C16orf74: variants seen among roughly 807,000 people sequenced by gnomAD.
C16orf74 encodes uncharacterized protein C16orf74.
In C16orf74, 10 loss-of-function variants were observed where a neutral mutation model predicts 6.5. That is an observed-to-expected ratio of 1.54 (90% confidence interval 0.95 to 2.61). The LOEUF is 2.61. C16orf74 is among the 30% of genes most tolerant of loss of function. C16orf74 has a pLI of 0.00. For missense variants in C16orf74, 141 were observed against 105.9 expected, an observed-to-expected ratio of 1.33 and a Z score of -1.45; for synonymous variants, 60 against 42.5, an observed-to-expected ratio of 1.41 and a Z score of -1.60.
chr16:85,726,193 A>G (rs995851562), intron 2 of C16orf74, among the ~76,000 whole-genome samples: 3 of 151,802 alleles, frequency 2.0e-5, no homozygotes, highest in African/African-American at 7.3e-5. Context: ...CACGAAATCC[A>G]GCCTGCTGGG....
At chr16:85,713,895 T>C (rs912218985) in intron 2 of C16orf74, among the ~76,000 whole-genome samples, 1 of 152,200 alleles carries the variant, frequency 6.6e-6, no homozygotes, top group African/African-American at 2.4e-5. Context: ...CCTCGTGGGA[T>C]CTGCCCTGTG....
intron 2 of C16orf74, among the ~76,000 whole-genome samples, chr16:85,722,536 C>G (rs2054093215): frequency 6.6e-6 from 1 of 152,220 alleles, no homozygotes; most frequent in East Asian, 1.9e-4. Flanking sequence ...CAGCTCAGGT[C>G]CAGCCACTCT....
At chr16:85,736,221 T>C (rs1476004820) in intron 1 of C16orf74, among the ~76,000 whole-genome samples, 1 of 152,114 alleles carries the variant, frequency 6.6e-6, no homozygotes, top group Non-Finnish European at 1.5e-5. Flanking sequence ...AAGAGCTTAT[T>C]CTGAGGACGC....
chr16:85,714,761 A>C (rs2054005810), intron 2 of C16orf74, among the ~76,000 whole-genome samples: 1 of 151,818 alleles, frequency 6.6e-6, no homozygotes, highest in Admixed American at 6.6e-5. Context: ...TTTTGAGGGA[A>C]GAGGCCACCT....
rs898418473 is a variant in C16orf74 at position 85,717,382 on chromosome 16, C to T, written c.29-7075G>A. 2.0e-5 allele frequency among the ~76,000 whole-genome samples: 3 copies of T among 152,300 alleles called. No homozygotes were observed. In the South Asian group the frequency reaches 6.2e-4, roughly 32 times the overall value. On this transcript the variant is annotated intron_variant, in intron 2 of 3. Transcript: ENST00000284245. The stretch of plus-strand genomic sequence containing the variant: ...GAAGTGCCAGGATTTTGAAAAACTC[C>T]CAGGTGACTTTAACAGCCAGGGATG...
At chr16:85,723,646 GGCC>G in intron 2 of C16orf74, among the ~76,000 whole-genome samples, 1 of 152,220 alleles carries the variant, frequency 6.6e-6, no homozygotes, top group Non-Finnish European at 1.5e-5. Flanking sequence ...TTCCACCCTA[GGCC>G]ACCTTCTGAG....
At chr16:85,720,387 G>A (rs986086840) in intron 2 of C16orf74, among the ~76,000 whole-genome samples, 5 of 152,116 alleles carry the variant, frequency 3.3e-5, no homozygotes, top group African/African-American at 9.7e-5. Context: ...CCCAGTTCCC[G>A]TGGTCTGTTC....
intron 1 of C16orf74, among the ~76,000 whole-genome samples, chr16:85,736,810 T>G (rs10863188): frequency 0.34 from 51,603 of 152,016 alleles, 10,063 homozygotes; most frequent in East Asian, 0.66. Flanking sequence ...TCCTGACACT[T>G]TGGGAGGCCG....
intron 1 of C16orf74, among the ~76,000 whole-genome samples, chr16:85,745,904 C>T (rs1028430521): frequency 6.6e-6 from 1 of 152,154 alleles, no homozygotes; most frequent in Non-Finnish European, 1.5e-5. Flanking sequence ...AGAAGTTCAG[C>T]TCTAGGCTAT....
At chr16:85,720,800 G>C (rs988214429) in intron 2 of C16orf74, among the ~76,000 whole-genome samples, 7 of 151,382 alleles carry the variant, frequency 4.6e-5, no homozygotes, top group African/African-American at 1.7e-4. Context: ...AAGCGGTTGG[G>C]GGTGGCGCTG....
chr16:85,731,602 G>A (rs1468751179), intron 2 of C16orf74, among the ~76,000 whole-genome samples: 1 of 152,210 alleles, frequency 6.6e-6, no homozygotes, highest in African/African-American at 2.4e-5. Context: ...CGTATCCAGG[G>A]CTGAACGGTG....
intron 2 of C16orf74, among the ~76,000 whole-genome samples, chr16:85,713,205 A>G (rs2053987107): frequency 6.6e-6 from 1 of 151,986 alleles, no homozygotes; most frequent in Non-Finnish European, 1.5e-5. Flanking sequence ...GGCTCGTAGA[A>G]GCCTCACCCC....
intron 2 of C16orf74, among the ~76,000 whole-genome samples, chr16:85,727,656 CA>C (rs58077378): frequency 0.4 from 59,702 of 150,738 alleles, 12,429 homozygotes; most frequent in African/African-American, 0.52. Context: ...ACTAAAAATG[CA>C]AAAAAAATAA....
intron 1 of C16orf74, among the ~76,000 whole-genome samples, chr16:85,748,085 CA>C (rs1194899017): frequency 6.3e-5 from 4 of 63,766 alleles, no homozygotes; most frequent in East Asian, 5.2e-4. Context: ...GACTCCGTCT[CA>C]AAAAAATATA....
At chr16:85,734,372 G>T (rs190541505) in intron 2 of C16orf74, among the ~76,000 whole-genome samples, 1 of 152,168 alleles carries the variant, frequency 6.6e-6, no homozygotes, top group Non-Finnish European at 1.5e-5. Flanking sequence ...CACCATGCAG[G>T]CTGATCCCAG....
At chr16:85,740,628 C>T (rs1376328183) in intron 1 of C16orf74, among the ~76,000 whole-genome samples, 1 of 150,084 alleles carries the variant, frequency 6.7e-6, no homozygotes, top group Admixed American at 6.7e-5. Context: ...GGAGGCGGAG[C>T]TTGCAGGGAG....
At chr16:85,725,789 A>G (rs2054127053) in intron 2 of C16orf74, among the ~76,000 whole-genome samples, 1 of 152,132 alleles carries the variant, frequency 6.6e-6, no homozygotes, top group Admixed American at 6.5e-5. Flanking sequence ...TTCTTTGTAG[A>G]GATGGGGTTT....
chr16:85,740,563 G>C (rs1050364040), intron 1 of C16orf74, among the ~76,000 whole-genome samples: 1 of 151,954 alleles, frequency 6.6e-6, no homozygotes, highest in Non-Finnish European at 1.5e-5. Flanking sequence ...TTAGCCAGGC[G>C]TGGTGGCGGG....
intron 1 of C16orf74, among the ~76,000 whole-genome samples, chr16:85,746,249 C>A (rs1262280399): frequency 1.3e-5 from 2 of 152,104 alleles, no homozygotes; most frequent in African/African-American, 4.8e-5. Flanking sequence ...ACTAGGGAGG[C>A]CGAGGCAGGA....
Sources: allele counts gnomAD v4.1 joint callset (sites outside exome capture counted in the v4.1 genomes callset), GRCh38; gene constraint gnomAD v4.1.1; transcripts MANE v1.5; gene names NCBI Gene and HGNC (gene_info 2026-07-23, HGNC 2026-07-21).